Variants in RIMS1 observed in about 807,000 individuals in gnomAD.
RIMS1 encodes the protein regulating synaptic membrane exocytosis 1.
A neutral mutation model predicts 214.1 loss-of-function variants in RIMS1; 83 were observed. The observed-to-expected ratio is 0.39, with a 90% CI of 0.32 to 0.47. The LOEUF is 0.47. RIMS1 is among the 20% of genes least tolerant of loss of function. RIMS1 has a pLI of 0.99. For missense variants in RIMS1, 2,050 were observed against 2,161.8 expected (o/e 0.95, Z 1.03); for synonymous variants, 793 against 786.8 (o/e 1.01, Z -0.13).
At chr6:72,137,903 A>AT (rs1318083251) in intron 4 of RIMS1, among the ~76,000 whole-genome samples, 1 of 151,698 alleles carries the variant, frequency 6.6e-6, no homozygotes, top group Non-Finnish European at 1.5e-5. Context: ...CGCCCGGCTA[A>AT]TTTTTTGTAT....
chr6:72,387,570 G>A (rs1365086070), intron 29 of RIMS1, among the ~76,000 whole-genome samples: 1 of 152,178 alleles, frequency 6.6e-6, no homozygotes, highest in Non-Finnish European at 1.5e-5. Flanking sequence ...AAACTAAACA[G>A]CATTTACAAT....
At chr6:72,015,754 G>A (rs1297492289) in intron 2 of RIMS1, among the ~76,000 whole-genome samples, 1 of 152,052 alleles carries the variant, frequency 6.6e-6, no homozygotes, top group East Asian at 1.9e-4. Context: ...GTGAAACCCT[G>A]TCTCTACTAA....
At chr6:72,195,206 T>G (rs1188262102) in intron 6 of RIMS1, among the ~76,000 whole-genome samples, 2 of 152,156 alleles carry the variant, frequency 1.3e-5, no homozygotes, top group Admixed American at 1.3e-4. Flanking sequence ...AGGATTTCCT[T>G]CCTTCTTTAT....
At chr6:72,067,354 C>G (rs1829568197) in intron 2 of RIMS1, among the ~76,000 whole-genome samples, 1 of 152,214 alleles carries the variant, frequency 6.6e-6, no homozygotes, top group African/African-American at 2.4e-5. Context: ...TTAGTTACTT[C>G]AAGCTTGTTC....
chr6:72,095,988 G>A (rs569202601), intron 2 of RIMS1, among the ~76,000 whole-genome samples: 208 of 152,286 alleles, frequency 1.4e-3, no homozygotes, highest in African/African-American at 4.7e-3. Context: ...TTCCACTGGG[G>A]CATTCACTGG....
intron 6 of RIMS1, among the ~76,000 whole-genome samples, chr6:72,215,177 G>C (rs1295797151): frequency 6.6e-6 from 1 of 152,150 alleles, no homozygotes; most frequent in Non-Finnish European, 1.5e-5. Flanking sequence ...TCTAGACCAT[G>C]CCATCTGTAT....
intron 5 of RIMS1, 73 bp from the exon 6 acceptor site, chr6:72,182,211 A>G: frequency 7.0e-7 from 1 of 1,418,582 alleles, no homozygotes; most frequent in South Asian, 1.5e-5. Context: ...TAAGACTGGA[A>G]TGAGAAGAAA....
At chr6:71,903,420 T>C (rs1377855919) in intron 1 of RIMS1, among the ~76,000 whole-genome samples, 1 of 152,088 alleles carries the variant, frequency 6.6e-6, no homozygotes, top group Non-Finnish European at 1.5e-5. Flanking sequence ...ATCTAGGCAA[T>C]ACCATTCAGG....
chr6:71,973,282 C>T (rs1796346068), intron 2 of RIMS1, among the ~76,000 whole-genome samples: 1 of 152,152 alleles, frequency 6.6e-6, no homozygotes, highest in Non-Finnish European at 1.5e-5. Context: ...AAGCAGAAAA[C>T]AATTACCCTG....
chr6:72,052,653 C>G (rs1825029777), intron 2 of RIMS1, among the ~76,000 whole-genome samples: 1 of 152,110 alleles, frequency 6.6e-6, no homozygotes, highest in African/African-American at 2.4e-5. Context: ...ATCATTTAAT[C>G]TCAATTTCCT....
intron 2 of RIMS1, among the ~76,000 whole-genome samples, chr6:71,969,769 A>T (rs1795375981): frequency 6.6e-6 from 1 of 152,206 alleles, no homozygotes. Context: ...AGATCGTGCC[A>T]CTGTACTCCA....
chr6:72,109,925 G>A (rs1587201116), intron 4 of RIMS1, among the ~76,000 whole-genome samples: 1 of 152,046 alleles, frequency 6.6e-6, no homozygotes, highest in African/African-American at 2.4e-5. Flanking sequence ...CATATGGCTA[G>A]CCAGTTTTCC....
rs61574291 is a variant in RIMS1 at position 72,043,154 on chromosome 6, G to GCACACA, written c.246-53775_246-53770dup. 2.8e-4 allele frequency among the ~76,000 whole-genome samples: 41 copies of GCACACA among 148,228 alleles called. No individual in the cohort carries two copies. In the East Asian group the frequency reaches 3.2e-3, roughly 12 times the overall value. ...AATGCTATAGTCATAGAACTTGCAT[G>GCACACA]CACACACACACACACACACACACAC... On this transcript the variant is annotated intron_variant, in intron 2 of 33. Transcript: ENST00000521978.
intron 9 of RIMS1, among the ~76,000 whole-genome samples, chr6:72,241,761 G>A (rs1361406794): frequency 6.6e-6 from 1 of 152,140 alleles, no homozygotes; most frequent in African/African-American, 2.4e-5. Context: ...ACTGATGGGT[G>A]TGAATTCAAA....
At chr6:71,921,085 A>C (rs1039384919) in intron 1 of RIMS1, among the ~76,000 whole-genome samples, 3 of 152,076 alleles carry the variant, frequency 2.0e-5, no homozygotes, top group Non-Finnish European at 2.9e-5. Context: ...GAAGTCAGTG[A>C]GGTTGTTAAC....
chr6:72,035,500 G>A (rs1264591946), intron 2 of RIMS1, among the ~76,000 whole-genome samples: 1 of 152,092 alleles, frequency 6.6e-6, no homozygotes, highest in Non-Finnish European at 1.5e-5. Flanking sequence ...AAATATCCAA[G>A]TTTCTGTCTT....
intron 2 of RIMS1, among the ~76,000 whole-genome samples, chr6:72,071,294 G>C (rs555946067): frequency 6.6e-6 from 1 of 152,196 alleles, no homozygotes; most frequent in East Asian, 1.9e-4. Flanking sequence ...CCAGCTGCTT[G>C]GGAGGCTGAG....
rs557362658 is a variant in RIMS1, at chr6:72,289,660, TAAAAG to T, written c.3555-1014_3555-1010del. ...TTATAGCTATAAAAATCATTTTACTTAAAAGAAAAATTGCCAATCTGAATAGAAGT... is the reference window on the plus strand; with the variant it reads ...TTATAGCTATAAAAATCATTTTACTTAAAAATTGCCAATCTGAATAGAAGT... On this transcript the variant is annotated intron_variant, in intron 24 of 33. Transcript: ENST00000521978. 8.5e-5 allele frequency among the ~76,000 whole-genome samples: 13 copies of T among 152,256 alleles called. No individual in the cohort carries two copies. In the South Asian group the frequency reaches 2.7e-3, roughly 32 times the overall value.
intron 1 of RIMS1, among the ~76,000 whole-genome samples, chr6:71,933,682 T>A (rs1467929839): frequency 1.4e-5 from 2 of 139,212 alleles, no homozygotes; most frequent in Non-Finnish European, 3.1e-5. Flanking sequence ...TCTTCCTCAA[T>A]CACACACACA....
Sources: gnomAD v4.1 joint callset for allele counts (sites outside exome capture counted in the v4.1 genomes callset) on GRCh38, gnomAD v4.1.1 for gene constraint, MANE v1.5 for transcripts, NCBI Gene and HGNC (gene_info 2026-07-23, HGNC 2026-07-21) for gene names.